Variants in PTPRN2 observed in about 807,000 individuals in gnomAD.
PTPRN2 encodes the protein receptor-type tyrosine-protein phosphatase N2.
In PTPRN2, 74 loss-of-function variants were observed where a neutral mutation model predicts 118.8. That is an observed-to-expected ratio of 0.62 (90% CI 0.52 to 0.76). The LOEUF is 0.76. Among genes scored for constraint, PTPRN2 ranks in the 30% least tolerant of loss-of-function variants. The probability of loss-of-function intolerance (pLI) is 0.00; values close to 1 mark genes in which losing one functional copy is unlikely to be tolerated. For synonymous variants in PTPRN2, 641 were observed against 608.0 expected, an observed-to-expected ratio of 1.05 and a Z score of -0.80; for missense variants, 1,481 against 1,394.4, an observed-to-expected ratio of 1.06 and a Z score of -0.99.
chr7:158,330,196 C>A (rs1313785154), intron 2 of PTPRN2, among the ~76,000 whole-genome samples: 4 of 128,212 alleles, frequency 3.1e-5, no homozygotes, highest in African/African-American at 5.5e-5. Flanking sequence ...CACTCACACC[C>A]ACACTCTCAC....
chr7:158,124,906 G>T (rs1817496218), intron 9 of PTPRN2, among the ~76,000 whole-genome samples: 1 of 152,260 alleles, frequency 6.6e-6, no homozygotes, highest in African/African-American at 2.4e-5. Flanking sequence ...TGCACGGCGG[G>T]TGAGAAAGAA....
chr7:157,567,346 G>A (rs1181829866), intron 21 of PTPRN2, among the ~76,000 whole-genome samples: 2 of 152,182 alleles, frequency 1.3e-5, no homozygotes, highest in Non-Finnish European at 2.9e-5. Context: ...AATGACATTT[G>A]GTGGCACAAA....
chr7:158,341,425 A>G (rs1358666134), intron 2 of PTPRN2, among the ~76,000 whole-genome samples: 7 of 148,694 alleles, frequency 4.7e-5, no homozygotes, highest in East Asian at 2.1e-4. Flanking sequence ...GGTCACTCAC[A>G]CCCACACTCT....
At chr7:158,054,269 C>G (rs1210350114) in intron 11 of PTPRN2, among the ~76,000 whole-genome samples, 3 of 152,180 alleles carry the variant, frequency 2.0e-5, no homozygotes, top group Non-Finnish European at 4.4e-5. Context: ...TTTTCCCATG[C>G]GTGGGCCGAT....
chr7:157,710,307 G>A (rs959727768), intron 12 of PTPRN2, among the ~76,000 whole-genome samples: 4 of 152,160 alleles, frequency 2.6e-5, no homozygotes, highest in Non-Finnish European at 5.9e-5. Context: ...GTGACTGTGT[G>A]CTCATTAAAA....
At chr7:157,879,440 GC>G (rs987882807) in intron 12 of PTPRN2, among the ~76,000 whole-genome samples, 4 of 152,206 alleles carry the variant, frequency 2.6e-5, no homozygotes, top group African/African-American at 9.7e-5. Context: ...GCAACGTCCT[GC>G]AGCTCCCATC....
At chr7:158,042,844 C>G (rs1808574305) in intron 11 of PTPRN2, among the ~76,000 whole-genome samples, 1 of 152,232 alleles carries the variant, frequency 6.6e-6, no homozygotes, top group East Asian at 1.9e-4. Context: ...TACTAGAAAA[C>G]AGGTTTTATG....
intron 3 of PTPRN2, among the ~76,000 whole-genome samples, chr7:158,281,161 C>T (rs778138964): frequency 7.9e-5 from 12 of 152,106 alleles, no homozygotes; most frequent in Non-Finnish European, 1.3e-4. Flanking sequence ...AAGTTAGCCG[C>T]GCTTATAATC....
intron 1 of PTPRN2, among the ~76,000 whole-genome samples, chr7:158,504,829 A>AAT (rs1822626843): frequency 6.6e-6 from 1 of 152,252 alleles, no homozygotes; most frequent in African/African-American, 2.4e-5. Context: ...CATTAAAAAT[A>AAT]ATACTGCAAT....
rs140405611 is a variant in PTPRN2, at chr7:158,118,605, A to G, written c.1557-7690T>C. On this transcript the variant is annotated intron_variant, in intron 9 of 22. Coordinates refer to ENST00000389418, the MANE Select transcript of PTPRN2 (RefSeq NM_002847.5). ...CTCCAATCAAAAGACAGAGATTAGC[A>G]AAATATGATATTCCACAGATCTTTT... Among the ~76,000 whole-genome samples, 881 of 152,356 alleles carry G rather than the reference A, an allele frequency of 5.8e-3. 6 individuals are homozygous for G. Among genetic ancestry groups the G allele is most frequent in the African/African-American group, 0.02 (842 of 41,588 alleles).
rs771889543 is a variant in PTPRN2, at chr7:158,167,096, A to C, written c.745T>G (p.Tyr249Asp). ...GGAGCTGGGGGCCTCTGGGCAGCAT[A>C]GGCACTGAGGGCCGCCATCAGATGG... is the stretch of plus-strand genomic sequence containing the variant. The part of the protein sequence containing the change: ...RHHLMAALSA[Y>D]AAQRPPAPPG... Residue 249 changes from tyrosine (Y) to aspartate (D), a missense_variant, in exon 6 of 23, where the codon TAT (tyrosine) becomes GAT (aspartate). This residue lies in a region of PTPRN2 where 1,115 missense variants were observed against 994.2 expected (regional missense o/e 1.12). Coordinates refer to ENST00000389418, the MANE Select transcript of PTPRN2 (RefSeq NM_002847.5). 6.2e-6 allele frequency: 10 copies of C among 1,611,998 alleles called. No homozygotes were observed. In the South Asian group the frequency reaches 8.8e-5, roughly 14 times the overall value.
rs570778386 is a variant in PTPRN2 at position 158,325,127 on chromosome 7, C to G, written c.164-8195G>C. Among the ~76,000 whole-genome samples, 179 of 149,684 alleles carry G rather than the reference C, an allele frequency of 1.2e-3. 1 individual carries two copies. Among genetic ancestry groups the G allele is most frequent in the African/African-American group, 4.2e-3 (169 of 40,226 alleles). Reference sequence around the variant, plus strand: ...CCCCAGAGATCCACAGGGGGTCCTCCAGTCCCCACAATTCTCCACAGAGAT... The same window carrying G: ...CCCCAGAGATCCACAGGGGGTCCTCGAGTCCCCACAATTCTCCACAGAGAT... On this transcript the variant is annotated intron_variant, in intron 2 of 22. Transcript: ENST00000389418.
At chr7:158,331,989 A>G (rs1282942318) in intron 2 of PTPRN2, among the ~76,000 whole-genome samples, 1 of 151,280 alleles carries the variant, frequency 6.6e-6, no homozygotes, top group Non-Finnish European at 1.5e-5. Context: ...ACTCACATCC[A>G]CACTCTCTCC....
At chr7:157,973,606 CCTT>C (rs1215926123) in intron 11 of PTPRN2, among the ~76,000 whole-genome samples, 2 of 152,202 alleles carry the variant, frequency 1.3e-5, no homozygotes, top group African/African-American at 4.8e-5. Flanking sequence ...TAAAGAATAT[CCTT>C]CTGCACAGCA....
chr7:158,297,784 A>T (rs150960289), intron 3 of PTPRN2, among the ~76,000 whole-genome samples: 26 of 152,238 alleles, frequency 1.7e-4, no homozygotes, highest in African/African-American at 6.0e-4. Context: ...CTGTTCCCTC[A>T]CCTCTCCACA....
intron 11 of PTPRN2, among the ~76,000 whole-genome samples, chr7:158,013,076 C>T (rs900271083): frequency 3.9e-5 from 6 of 152,262 alleles, no homozygotes; most frequent in South Asian, 4.2e-4. Flanking sequence ...ATATATGACT[C>T]GTAAGGCCAG....
intron 19 of PTPRN2, among the ~76,000 whole-genome samples, chr7:157,572,705 G>A (rs1020118673): frequency 6.6e-6 from 1 of 152,252 alleles, no homozygotes. Context: ...GGAGCTGAAG[G>A]AGCAGTTGCA....
At position 157,794,286 on chromosome 7, in the gene PTPRN2, CACACCTCCCCTCGTTCTCTGCTCTG is replaced by C. The variant is rs1201352394; in HGVS notation, c.1788+104362_1788+104386del. Among the ~76,000 whole-genome samples the C allele has an allele frequency of 3.3e-5, 5 of 151,016 alleles. No homozygotes were observed. The highest frequency in any genetic ancestry group is 1.2e-4 in the African/African-American group (5 of 41,118). On this transcript the variant is annotated intron_variant, in intron 12 of 22. Coordinates refer to ENST00000389418, the MANE Select transcript of PTPRN2 (RefSeq NM_002847.5). The surrounding 1 kb of genome is among the most constrained non-coding windows in gnomAD (Gnocchi z 5.2). ...CTCGTTCTCTGCTCCGACCCGGGCT[CACACCTCCCCTCGTTCTCTGCTCTG>C]ACCCGGGCTCACACCTCCCTGCTCC...
chr7:157,552,966 G>A (rs985951035), intron 21 of PTPRN2, among the ~76,000 whole-genome samples: 9 of 152,222 alleles, frequency 5.9e-5, no homozygotes, highest in African/African-American at 1.9e-4. Flanking sequence ...CACAGATCTC[G>A]TGAGCAAACT....
Sources: allele counts gnomAD v4.1 joint callset (sites outside exome capture counted in the v4.1 genomes callset), GRCh38; gene constraint gnomAD v4.1.1; regional missense constraint gnomAD v4.1.1; non-coding constraint Gnocchi (gnomAD v3.1); transcripts MANE v1.5; gene names NCBI Gene and HGNC (gene_info 2026-07-23, HGNC 2026-07-21).